The following MTHFD1L variants were observed in gnomAD, a reference collection of about 807,000 sequenced individuals.
The protein encoded by MTHFD1L is monofunctional C1-tetrahydrofolate synthase, mitochondrial.
A neutral mutation model predicts 119.5 loss-of-function variants in MTHFD1L; 81 were observed. The observed-to-expected ratio is 0.68, with a 90% confidence interval of 0.57 to 0.82. MTHFD1L has a LOEUF of 0.82. Ranked by LOEUF, MTHFD1L falls within the 40% of genes least tolerant of loss-of-function variation. The pLI is 0.00. For synonymous variants in MTHFD1L, 430 were observed against 475.2 expected (o/e 0.90, Z 1.24); for missense variants, 1,125 against 1,253.4 (o/e 0.90, Z 1.55).
chr6:151,015,824 C>CG, intron 24 of MTHFD1L, 131 bp downstream of exon 24: 1 of 1,119,896 alleles, frequency 8.9e-7, no homozygotes, highest in Non-Finnish European at 1.2e-6. Context: ...CAGTGGCTCA[C>CG]GCCTGTAATC....
intron 26 of MTHFD1L, among the ~76,000 whole-genome samples, chr6:151,071,053 G>A (rs982618673): frequency 2.0e-5 from 3 of 152,102 alleles, no homozygotes; most frequent in Non-Finnish European, 4.4e-5. Flanking sequence ...ATCACTTTGC[G>A]TCAACTCTAA....
chr6:151,076,070 A>G (rs906844594), intron 26 of MTHFD1L, among the ~76,000 whole-genome samples: 1 of 152,236 alleles, frequency 6.6e-6, no homozygotes, highest in Admixed American at 6.5e-5. Flanking sequence ...TAGAATGTCT[A>G]CAATTAAAAA....
At chr6:150,882,714 C>A in intron 4 of MTHFD1L, 48 bp from the exon 5 acceptor site, 1 of 1,331,480 alleles carries the variant, frequency 7.5e-7, no homozygotes, top group Non-Finnish European at 1.0e-6. Flanking sequence ...TGTTGGGTCT[C>A]ATTTTCACAA....
intron 10 of MTHFD1L, 37 bp downstream of exon 10, chr6:150,922,339 A>G (rs1789100907): frequency 6.5e-7 from 1 of 1,549,540 alleles, no homozygotes; most frequent in Non-Finnish European, 8.9e-7. Flanking sequence ...ATGTCAGCTC[A>G]GCACAGTGCC....
Position 150,865,769 on chromosome 6 carries a change from G to T in MTHFD1L, c.-54G>T. ...CGCCTGCTCCCCTGGCACGCGCCCC[G>T]CCGCCCTCGGCAGCCGCAGCTCCGT... On this transcript the variant is annotated 5_prime_UTR_variant, in exon 1 of 28. Coordinates refer to ENST00000367321, the MANE Select transcript of MTHFD1L (RefSeq NM_015440.5). 8.1e-7 allele frequency: 1 copy of T among 1,230,912 alleles called. No homozygotes were observed. Among genetic ancestry groups the T allele is most frequent in the Non-Finnish European group, 1.0e-6 (1 of 983,076 alleles). The allele number at this position is 1,230,912 out of a possible 1,614,324, so 76.2% of individuals were successfully genotyped here. A position where few individuals can be genotyped will look rare whatever the true frequency, so the allele number is the denominator to read the frequency against.
At chr6:150,879,554 CT>C (rs1391210685) in intron 4 of MTHFD1L, among the ~76,000 whole-genome samples, 7 of 150,996 alleles carry the variant, frequency 4.6e-5, no homozygotes, top group African/African-American at 1.7e-4. Flanking sequence ...TCCCAAAGTG[CT>C]AGGATTACAG....
intron 7 of MTHFD1L, among the ~76,000 whole-genome samples, chr6:150,897,238 G>A (rs1784382257): frequency 1.3e-5 from 2 of 152,180 alleles, no homozygotes; most frequent in South Asian, 4.1e-4. Context: ...TATCAAATAT[G>A]TGAGTAAAAA....
intron 25 of MTHFD1L, 75 bp from the exon 26 acceptor site, chr6:151,036,890 G>T: frequency 6.6e-7 from 1 of 1,525,344 alleles, no homozygotes; most frequent in Non-Finnish European, 9.1e-7. Context: ...TGCCGAGACT[G>T]TATAAAGTGC....
At chr6:150,873,919 C>A (rs1779968375) in intron 1 of MTHFD1L, among the ~76,000 whole-genome samples, 1 of 152,164 alleles carries the variant, frequency 6.6e-6, no homozygotes. Flanking sequence ...ATCCATTTCA[C>A]CTTGGCCTCC....
chr6:150,971,901 T>C, intron 19 of MTHFD1L, 46 bp from the exon 20 acceptor site: 1 of 1,552,954 alleles, frequency 6.4e-7, no homozygotes, highest in Non-Finnish European at 8.9e-7. Flanking sequence ...GTTTCCATGC[T>C]TCTGTTTGTC....
intron 21 of MTHFD1L, among the ~76,000 whole-genome samples, chr6:151,013,513 A>G (rs148971986): frequency 3.7e-4 from 57 of 152,352 alleles, no homozygotes; most frequent in Non-Finnish European, 4.0e-4. Flanking sequence ...AGAATCATCC[A>G]GGGAGATTTT....
At chr6:150,877,604 A>G in intron 2 of MTHFD1L, 30 bp from the exon 3 acceptor site, 4 of 1,612,034 alleles carry the variant, frequency 2.5e-6, no homozygotes, top group Non-Finnish European at 3.4e-6. Flanking sequence ...AGCTATTTTT[A>G]TGTTGTTATG....
chr6:150,902,553 A>G lies in MTHFD1L; in HGVS notation c.781-3097A>G, dbSNP rs183929328. Among the ~76,000 whole-genome samples the G allele has an allele frequency of 1.6e-3, 248 of 152,292 alleles. 1 individual carries two copies. Among genetic ancestry groups the G allele is most frequent in the African/African-American group, 5.8e-3 (241 of 41,560 alleles). On this transcript the variant is annotated intron_variant, in intron 7 of 27. Coordinates refer to ENST00000367321, the MANE Select transcript of MTHFD1L (RefSeq NM_015440.5). ...AATCTTCCCTTGTCCTGGGCAGGCT[A>G]TTTACTGATTTAAGCATCTAGCACT...
At chr6:151,069,282 C>CTCTCTCTCTCTCTCTCTCTCT (rs1791700003) in intron 26 of MTHFD1L, among the ~76,000 whole-genome samples, 1 of 71,284 alleles carries the variant, frequency 1.4e-5, no homozygotes, top group African/African-American at 4.5e-5. Flanking sequence ...TCTCTCTCTC[C>CTCTCTCTCTCTCTCTCTCTCT]CTCCCTCTCT....
intron 26 of MTHFD1L, among the ~76,000 whole-genome samples, chr6:151,090,944 G>A (rs368992831): frequency 5.1e-5 from 5 of 98,934 alleles, no homozygotes; most frequent in East Asian, 4.6e-4. Context: ...GTGCAGCATC[G>A]TTCCATGCGA....
At chr6:150,887,752 C>T (rs1363459781) in intron 6 of MTHFD1L, 93 bp from the exon 7 acceptor site, 1 of 1,357,188 alleles carries the variant, frequency 7.4e-7, no homozygotes, top group East Asian at 2.6e-5. Flanking sequence ...CCACCACACC[C>T]AGCCTAAAAG....
At chr6:151,088,114 T>C (rs1276778260) in intron 26 of MTHFD1L, 2 of 152,176 alleles carry the variant, frequency 1.3e-5, no homozygotes, top group Non-Finnish European at 2.9e-5. Context: ...GTTTTTTTTA[T>C]TGGGAGAAAA....
rs373291011 is a variant in MTHFD1L at position 151,099,453 on chromosome 6, C to CTTTT, written c.*32-2063_*32-2060dup. 4 of 869,460 alleles carry CTTTT rather than the reference C, an allele frequency of 4.6e-6. No individual in the cohort carries two copies. The African/African-American group carries it at 5.2e-5, about 11-fold the overall frequency. 53.9% of individuals were successfully genotyped at this position (869,460 alleles called of 1,614,324 possible). A position where few individuals can be genotyped will look rare whatever the true frequency, so the allele number is the denominator to read the frequency against. Reference sequence around the variant, plus strand: ...GCTGGCCGTGTCTCTGAAATATTTTCTTTTTTTTTTTTTGCCCTTCTCTCT... The same window carrying CTTTT: ...GCTGGCCGTGTCTCTGAAATATTTTCTTTTTTTTTTTTTTTTTGCCCTTCTCTCT... On this transcript the variant is annotated intron_variant, in intron 27 of 27. Coordinates refer to ENST00000367321, the MANE Select transcript of MTHFD1L (RefSeq NM_015440.5).
In MTHFD1L at chr6:150,926,185, A is replaced by G. The variant is rs763354308; in HGVS notation, c.1146A>G (p.Gly382=). ...TGGATGTCCTTGCCAAGGAGATTGG[A>G]TTGCTTGCAGATGAAATTGAAATCT... ...KAVDVLAKEI[G]LLADEIEIYG... Residue 382 remains glycine, a synonymous_variant, in exon 11 of 28, where the codon GGA becomes GGG. Transcript: ENST00000367321. This position sits in a 1 kb window ranked among gnomAD's most constrained non-coding sequence, Gnocchi z 4.3. 1.5e-5 allele frequency: 24 copies of G among 1,613,992 alleles called. No individual in the cohort carries two copies. Among genetic ancestry groups the G allele is most frequent in the Non-Finnish European group, 1.4e-5 (17 of 1,180,004 alleles).
Sources: gnomAD v4.1 joint callset for allele counts (sites outside exome capture counted in the v4.1 genomes callset) on GRCh38, gnomAD v4.1.1 for gene constraint, Gnocchi (gnomAD v3.1) non-coding constraint, MANE v1.5 for transcripts, NCBI Gene and HGNC (gene_info 2026-07-23, HGNC 2026-07-21) for gene names.